NDRG1: variants seen among roughly 807,000 people sequenced by gnomAD.
NDRG1 encodes N-myc downstream regulated 1.
In NDRG1, 32 loss-of-function variants were observed where a neutral mutation model predicts 56.9. The ratio of observed to expected loss-of-function variants is 0.56; its 90% CI spans 0.42 to 0.76. The LOEUF is 0.76. Ranked by LOEUF, NDRG1 falls within the 30% of genes least tolerant of loss-of-function variation. The pLI is 0.00. For missense variants in NDRG1, 507 were observed against 545.7 expected, an observed-to-expected ratio of 0.93 and a Z score of 0.71; for synonymous variants, 211 against 204.1, an observed-to-expected ratio of 1.03 and a Z score of -0.29.
chr8:133,246,982 CTAAA>C (rs1229409600), intron 12 of NDRG1, among the ~76,000 whole-genome samples: 3 of 152,132 alleles, frequency 2.0e-5, no homozygotes, highest in African/African-American at 7.2e-5. Flanking sequence ...GAAATACCTG[CTAAA>C]TAAATATCCT....
chr8:133,267,855 C>T (rs533524763), intron 3 of NDRG1, among the ~76,000 whole-genome samples: 28 of 152,292 alleles, frequency 1.8e-4, no homozygotes, highest in African/African-American at 5.5e-4. Flanking sequence ...GTCACCTGCA[C>T]GGAGCCCAGA....
chr8:133,276,077 G>A (rs1857441230), intron 3 of NDRG1, among the ~76,000 whole-genome samples: 1 of 152,214 alleles, frequency 6.6e-6, no homozygotes. Flanking sequence ...ACAGCTTGGG[G>A]AATTAACTCA....
chr8:133,264,378 G>T (rs188174403), intron 4 of NDRG1, among the ~76,000 whole-genome samples, 169 bp downstream of exon 4: 2 of 152,216 alleles, frequency 1.3e-5, no homozygotes, highest in Admixed American at 6.5e-5. Context: ...CACATGCAGC[G>T]CATTTCTGGC....
At chr8:133,245,850 G>A (rs1156484494) in intron 13 of NDRG1, among the ~76,000 whole-genome samples, 3 of 152,192 alleles carry the variant, frequency 2.0e-5, no homozygotes, top group Non-Finnish European at 4.4e-5. Flanking sequence ...TCTATGTAAA[G>A]AGCCCAATAC....
chr8:133,256,515 C>A (rs1856377972), intron 8 of NDRG1, among the ~76,000 whole-genome samples: 1 of 152,224 alleles, frequency 6.6e-6, no homozygotes, highest in Non-Finnish European at 1.5e-5. Flanking sequence ...CAATGCTTCT[C>A]CAAGCTGCCT....
chr8:133,260,833 C>A (rs544056831), intron 5 of NDRG1, among the ~76,000 whole-genome samples: 29 of 152,250 alleles, frequency 1.9e-4, no homozygotes, highest in African/African-American at 6.7e-4. Flanking sequence ...AGCCCAAGAA[C>A]CTGCTCCTGC....
intron 7 of NDRG1, among the ~76,000 whole-genome samples, chr8:133,257,316 C>CAG (rs1554750960): frequency 2.0e-3 from 257 of 129,710 alleles, no homozygotes; most frequent in East Asian, 4.5e-3. Context: ...CACACACACA[C>CAG]AGAGAGAGAG....
intron 6 of NDRG1, 62 bp downstream of exon 6, chr8:133,259,102 GGGCA>G: frequency 6.5e-7 from 1 of 1,541,234 alleles, no homozygotes; most frequent in Non-Finnish European, 9.0e-7. Context: ...CAAAGCCAAG[GGGCA>G]GGAAGATGCT....
intron 6 of NDRG1, 135 bp downstream of exon 6, chr8:133,259,033 G>A (rs571293769): frequency 6.6e-5 from 57 of 857,910 alleles, no homozygotes; most frequent in African/African-American, 9.9e-5. Flanking sequence ...ACAGAGTGAC[G>A]AGCTAATTTC....
chr8:133,275,563 A>T (rs538127179), intron 3 of NDRG1, among the ~76,000 whole-genome samples: 3 of 152,166 alleles, frequency 2.0e-5, no homozygotes, highest in Non-Finnish European at 4.4e-5. Flanking sequence ...CTTAAAAAAA[A>T]GCCTCAACCT....
In NDRG1 at chr8:133,246,110, C is replaced by T. The variant is rs531928454; in HGVS notation, c.855+506G>A. On this transcript the variant is annotated intron_variant, in intron 13 of 15. Coordinates refer to ENST00000323851, the MANE Select transcript of NDRG1 (RefSeq NM_006096.4). Reference sequence around the variant, plus strand: ...TCTTGGGCTGCATCTCCGGACGAGGCCGCCACAAACAGCCAGTGGTTTGCA... The same window carrying T: ...TCTTGGGCTGCATCTCCGGACGAGGTCGCCACAAACAGCCAGTGGTTTGCA... Among the ~76,000 whole-genome samples, 56 of 152,378 alleles carry T rather than the reference C, an allele frequency of 3.7e-4. 1 individual carries two copies. The South Asian group carries it at 0.011, about 30-fold the overall frequency.
At chr8:133,239,281 T>A in intron 15 of NDRG1, 162 bp from the exon 16 acceptor site, 3 of 1,135,144 alleles carry the variant, frequency 2.6e-6, no homozygotes, top group Non-Finnish European at 3.8e-6. Context: ...CCATGTCCAC[T>A]CGGAGAGAGA....
intron 10 of NDRG1, among the ~76,000 whole-genome samples, chr8:133,249,673 A>G (rs1855902861): frequency 6.6e-6 from 1 of 152,210 alleles, no homozygotes; most frequent in African/African-American, 2.4e-5. Flanking sequence ...AGTGAACCGC[A>G]CTGCCAGGTT....
intron 12 of NDRG1, among the ~76,000 whole-genome samples, chr8:133,247,420 C>A (rs1855747306): frequency 6.6e-6 from 1 of 152,236 alleles, no homozygotes. Context: ...AGGCAGATTC[C>A]TCTCTTTGCT....
At chr8:133,264,683 C>A in intron 3 of NDRG1, 31 bp from the exon 4 acceptor site, 2 of 1,588,500 alleles carry the variant, frequency 1.3e-6, no homozygotes, top group South Asian at 2.2e-5. Context: ...GTGGGCTGGT[C>A]ATGTGGGGTT....
intron 3 of NDRG1, among the ~76,000 whole-genome samples, chr8:133,278,316 A>G (rs1457929861): frequency 1.3e-5 from 2 of 151,966 alleles, no homozygotes; most frequent in African/African-American, 4.8e-5. Context: ...GATTGCTACC[A>G]TAACTCTTAG....
chr8:133,290,962 C>G (rs1403682861), intron 1 of NDRG1, among the ~76,000 whole-genome samples: 1 of 152,184 alleles, frequency 6.6e-6, no homozygotes, highest in Non-Finnish European at 1.5e-5. Context: ...CAAAGGCCCA[C>G]TTGACTTCCA....
chr8:133,267,165 T>C (rs1409302392), intron 3 of NDRG1, among the ~76,000 whole-genome samples: 4 of 152,018 alleles, frequency 2.6e-5, no homozygotes, highest in Non-Finnish European at 5.9e-5. Flanking sequence ...CATGGACCAA[T>C]CTCTCACCTG....
intron 2 of NDRG1, among the ~76,000 whole-genome samples, chr8:133,280,704 G>A (rs544367649): frequency 7.2e-5 from 11 of 152,134 alleles, no homozygotes; most frequent in African/African-American, 2.4e-4. Context: ...AAAGTGCTGG[G>A]GATTACAGGT....
Sources: allele counts gnomAD v4.1 joint callset (sites outside exome capture counted in the v4.1 genomes callset), GRCh38; gene constraint gnomAD v4.1.1; transcripts MANE v1.5; gene names NCBI Gene and HGNC (gene_info 2026-07-23, HGNC 2026-07-21).